The following DEPDC4 variants were observed in gnomAD, a reference collection of about 807,000 sequenced individuals.
DEPDC4 encodes the protein DEP domain-containing protein 4.
Under a neutral mutation model 52.0 loss-of-function variants are expected in DEPDC4, and 52 were observed. The ratio of observed to expected loss-of-function variants is 1.00; its 90% CI spans 0.80 to 1.26. The LOEUF (loss-of-function observed/expected upper bound fraction) is 1.26, where lower values mean the gene tolerates loss of function less well. DEPDC4 is among the 50% of genes most tolerant of loss of function. DEPDC4 has a pLI of 0.00. For missense variants in DEPDC4, 530 were observed against 546.9 expected, an observed-to-expected ratio of 0.97 and a Z score of 0.31; for synonymous variants, 201 against 196.8, an observed-to-expected ratio of 1.02 and a Z score of -0.18.
intron 9 of DEPDC4, among the ~76,000 whole-genome samples, chr12:100,233,298 C>T (rs1172716355): frequency 1.3e-5 from 2 of 152,152 alleles, no homozygotes; most frequent in South Asian, 2.1e-4. Context: ...ATGCATACAG[C>T]CCCCTGAAAG....
At chr12:100,262,232 C>A (rs1363147462) in intron 3 of DEPDC4, 32 bp downstream of exon 3, 1 of 1,589,022 alleles carries the variant, frequency 6.3e-7, no homozygotes, top group South Asian at 1.1e-5. Context: ...TCTTCCTTAC[C>A]ATGTTCTGAA....
chr12:100,271,820 G>A (rs555632043), upstream of DEPDC4, among the ~76,000 whole-genome samples: 1 of 152,288 alleles, frequency 6.6e-6, no homozygotes, highest in Admixed American at 6.5e-5. Flanking sequence ...ATATATTCTT[G>A]GGGAAGTATA....
chr12:100,273,838 T>C, the DEPDC4 span, among the ~76,000 whole-genome samples: 1 of 152,246 alleles, frequency 6.6e-6, no homozygotes, highest in East Asian at 1.9e-4. Flanking sequence ...GAGTCTGCTA[T>C]TGGACGGAGT....
chr12:100,238,593 C>T (rs1352472619), downstream of DEPDC4, among the ~76,000 whole-genome samples: 1 of 149,126 alleles, frequency 6.7e-6, no homozygotes, highest in Non-Finnish European at 1.5e-5. Context: ...TCAAGTGATC[C>T]TCCTACCTTA....
chr12:100,261,254 T>C (rs562267625), intron 3 of DEPDC4, among the ~76,000 whole-genome samples: 1 of 152,284 alleles, frequency 6.6e-6, no homozygotes, highest in East Asian at 1.9e-4. Context: ...GGGCACCCTG[T>C]ATTTCCTTTA....
chr12:100,259,110 G>C (rs1592898880), intron 3 of DEPDC4, among the ~76,000 whole-genome samples: 1 of 146,654 alleles, frequency 6.8e-6, no homozygotes, highest in Non-Finnish European at 1.5e-5. Flanking sequence ...TGTACCCTTT[G>C]TCAGGAAACT....
chr12:100,249,613 G>A (rs1203429681), intron 7 of DEPDC4, among the ~76,000 whole-genome samples: 3 of 152,188 alleles, frequency 2.0e-5, no homozygotes, highest in South Asian at 2.1e-4. Context: ...TACTGTTACA[G>A]AGGGCATGCC....
intron 2 of DEPDC4, among the ~76,000 whole-genome samples, chr12:100,262,704 A>G (rs2096258004): frequency 6.6e-6 from 1 of 152,218 alleles, no homozygotes; most frequent in Non-Finnish European, 1.5e-5. Flanking sequence ...GGCTTTTAGT[A>G]CACTGGCTAA....
chr12:100,254,590 G>A (rs998912753), intron 4 of DEPDC4, among the ~76,000 whole-genome samples: 1 of 152,146 alleles, frequency 6.6e-6, no homozygotes, highest in South Asian at 2.1e-4. Context: ...GGCTTCCAAA[G>A]TGCTGGGATT....
At chr12:100,277,211 T>G in the DEPDC4 span, among the ~76,000 whole-genome samples, 2 of 152,336 alleles carry the variant, frequency 1.3e-5, no homozygotes, top group Non-Finnish European at 2.9e-5. Context: ...CCATTTTTAG[T>G]GAATGTTACA....
intron 9 of DEPDC4, among the ~76,000 whole-genome samples, chr12:100,231,958 G>A (rs1381425442): frequency 6.6e-6 from 1 of 151,538 alleles, no homozygotes; most frequent in Non-Finnish European, 1.5e-5. Context: ...AAAAAAAAAA[G>A]AATTATTAGG....
At chr12:100,263,382 G>T in intron 2 of DEPDC4, 115 bp downstream of exon 2, 2 of 857,492 alleles carry the variant, frequency 2.3e-6, no homozygotes, top group East Asian at 2.8e-5. Flanking sequence ...ATTTTCACAT[G>T]GATTTTTTTT....
chr12:100,243,461 A>C (rs1031539920), intron 8 of DEPDC4, among the ~76,000 whole-genome samples: 6 of 152,126 alleles, frequency 3.9e-5, no homozygotes, highest in Admixed American at 3.3e-4. Context: ...ATCGAGGAAA[A>C]TGGATTCATC....
chr12:100,243,637 C>T (rs1200973788), intron 8 of DEPDC4, among the ~76,000 whole-genome samples: 1 of 152,082 alleles, frequency 6.6e-6, no homozygotes, highest in East Asian at 1.9e-4. Context: ...CCTCCACCAG[C>T]ATCTCTTTTT....
intron 3 of DEPDC4, 116 bp downstream of exon 3, chr12:100,262,148 G>A (rs2096255671): frequency 1.0e-6 from 1 of 994,924 alleles, no homozygotes. Context: ...AGGGGTATGT[G>A]GGAACTGTAC....
chr12:100,252,918 GTTTC>G (rs2096214529), intron 5 of DEPDC4, among the ~76,000 whole-genome samples: 1 of 152,082 alleles, frequency 6.6e-6, no homozygotes, highest in Admixed American at 6.6e-5. Flanking sequence ...TATAACATAT[GTTTC>G]TTTCTTTTTA....
Position 100,266,944 on chromosome 12 carries a change from C to T in DEPDC4, c.133G>A (p.Gly45Ser). 6.2e-7 allele frequency: 1 copy of T among 1,613,728 alleles called. No homozygotes were observed. Among genetic ancestry groups the T allele is most frequent in the Non-Finnish European group, 8.5e-7 (1 of 1,179,802 alleles). ...NGPSSRNRRDGFCRKRRTGCS... is the reference protein window; with the variant it reads ...NGPSSRNRRDSFCRKRRTGCS... ...CCTGTCCTCCTTTTCCGGCAGAAGC[C>T]ATCTCTACGGTTCCTGGAACTTGGC... The change falls in exon 1 of 10, where the codon GGC (glycine) becomes AGC (serine). Residue 45 changes from glycine (G) to serine (S), a missense_variant. By Grantham distance (56) the Gly-to-Ser change is moderately conservative (BLOSUM62 0). Transcript: ENST00000550587.
chr12:100,239,723 G>C (rs2096151270), downstream of DEPDC4, among the ~76,000 whole-genome samples: 1 of 151,550 alleles, frequency 6.6e-6, no homozygotes, highest in South Asian at 2.1e-4. Context: ...ACAGGGTCTT[G>C]CTGTGTTGCC....
chr12:100,263,401 G>C, intron 2 of DEPDC4, 96 bp downstream of exon 2: 1 of 1,044,194 alleles, frequency 9.6e-7, no homozygotes, highest in South Asian at 2.1e-5. Flanking sequence ...TTTTTAATTG[G>C]CTTCTGAAAA....
Sources: gnomAD v4.1 joint callset for allele counts (sites outside exome capture counted in the v4.1 genomes callset) on GRCh38, gnomAD v4.1.1 for gene constraint, MANE v1.5 for transcripts, NCBI Gene and HGNC (gene_info 2026-07-23, HGNC 2026-07-21) for gene names.